BRINP2: variants seen among roughly 807,000 people sequenced by gnomAD.
BRINP2 encodes BMP/retinoic acid-inducible neural-specific protein 2.
In BRINP2, 21 loss-of-function variants were observed where a neutral mutation model predicts 69.2. That is an observed-to-expected ratio of 0.30 (90% CI 0.22 to 0.44). The LOEUF (loss-of-function observed/expected upper bound fraction) is 0.44, where lower values mean the gene tolerates loss of function less well. Ranked by LOEUF, BRINP2 falls within the 20% of genes least tolerant of loss-of-function variation. The pLI, the probability that BRINP2 is intolerant of heterozygous loss-of-function variation, is 1.00. For missense variants in BRINP2, 877 were observed against 986.0 expected, an observed-to-expected ratio of 0.89 and a Z score of 1.48; for synonymous variants, 380 against 394.1, an observed-to-expected ratio of 0.96 and a Z score of 0.42.
chr1:177,281,587 T>A lies in BRINP2; in HGVS notation c.*59T>A. 6.6e-7 allele frequency: 1 copy of A among 1,520,840 alleles called. No homozygotes were observed. The highest frequency in any genetic ancestry group is 2.3e-5 in the East Asian group (1 of 44,352). 94.2% of individuals were successfully genotyped at this position (1,520,840 alleles called of 1,614,324 possible). A position where few individuals can be genotyped will look rare whatever the true frequency, so the allele number is the denominator to read the frequency against. On this transcript the variant is annotated 3_prime_UTR_variant, in exon 8 of 8. Coordinates refer to ENST00000361539, the MANE Select transcript of BRINP2 (RefSeq NM_021165.4). ...GATCCATGAATCTGGGGTACAAAGA[T>A]AATCTAAGCCCTCACCTTAGTGCCA... is the stretch of plus-strand genomic sequence containing the variant.
chr1:177,267,699 G>T (rs988035572), intron 4 of BRINP2, among the ~76,000 whole-genome samples: 21 of 152,202 alleles, frequency 1.4e-4, no homozygotes, highest in African/African-American at 5.1e-4. Flanking sequence ...AGTTGGGCTT[G>T]CATAGTCATA....
rs781394493 is a variant in BRINP2, at chr1:177,276,468, G to A, written c.1012+34G>A. On this transcript the variant is annotated intron_variant, in intron 6 of 7. Transcript: ENST00000361539. ...CCAGAATTCCTCCCTGTCAATGAGA[G>A]GTGGCTGTGAGGTACAGAGCAAGAA... The A allele has an allele frequency of 1.8e-5, 28 of 1,593,792 alleles. No individual in the cohort carries two copies. The South Asian group carries it at 2.8e-4, about 16-fold the overall frequency.
intron 2 of BRINP2, among the ~76,000 whole-genome samples, chr1:177,249,884 C>A (rs1365283044): frequency 6.6e-6 from 1 of 152,162 alleles, no homozygotes; most frequent in African/African-American, 2.4e-5. Context: ...ATAGATGTTT[C>A]TCTATTATTT....
Position 177,276,251 on chromosome 1 carries a change from C to G in BRINP2, c.829C>G (p.Leu277Val). The G allele has an allele frequency of 6.2e-7, 1 of 1,614,198 alleles. No individual in the cohort carries two copies. The highest frequency in any genetic ancestry group is 8.5e-7 in the Non-Finnish European group (1 of 1,180,044). ...YLRERFVAAA[L>V]SYITCSSEGE... ...GCGTGAGCGCTTTGTAGCTGCAGCA[C>G]TCAGCTACATCACATGCAGCTCTGA... Residue 277 changes from leucine to valine, a missense_variant, in exon 6 of 8, where the codon CTC becomes GTC. This residue lies in a region of BRINP2 where 566 missense variants were observed against 625.2 expected (regional missense o/e 0.91). Coordinates refer to ENST00000361539, the MANE Select transcript of BRINP2 (RefSeq NM_021165.4).
At chr1:177,182,539 C>A (rs997257051) in intron 1 of BRINP2, among the ~76,000 whole-genome samples, 12 of 152,170 alleles carry the variant, frequency 7.9e-5, no homozygotes, top group Non-Finnish European at 1.3e-4. Context: ...AAGGCTCAAG[C>A]AGAATTTCCC....
intron 1 of BRINP2, among the ~76,000 whole-genome samples, chr1:177,192,538 A>G (rs140681888): frequency 2.0e-5 from 3 of 152,114 alleles, no homozygotes; most frequent in Non-Finnish European, 2.9e-5. Context: ...CTGTGCATAC[A>G]TGTTGGTTTG....
intron 1 of BRINP2, among the ~76,000 whole-genome samples, chr1:177,223,502 T>C (rs1649604229): frequency 6.6e-6 from 1 of 152,144 alleles, no homozygotes. Flanking sequence ...TAATAACTGA[T>C]TGACTGTTTG....
intron 2 of BRINP2, among the ~76,000 whole-genome samples, chr1:177,254,277 G>C (rs148659264): frequency 4.6e-4 from 70 of 152,036 alleles, no homozygotes; most frequent in African/African-American, 1.6e-3. Flanking sequence ...AAATAAAACT[G>C]CTGGTACTTT....
intron 4 of BRINP2, among the ~76,000 whole-genome samples, chr1:177,262,921 G>C (rs1029119314): frequency 1.3e-5 from 2 of 152,196 alleles, no homozygotes; most frequent in Non-Finnish European, 2.9e-5. Flanking sequence ...AGACCAGTCA[G>C]CATAGTCGTA....
rs1055463752 is a variant in BRINP2, at chr1:177,206,525, C to G, written c.-76-23276C>G. The stretch of plus-strand genomic sequence containing the variant: ...TAGACTTGCTAGGTGAAAGGAGATG[C>G]AGAACTCTGATGTTTTATAGCTAAA... On this transcript the variant is annotated intron_variant, in intron 1 of 7. Transcript: ENST00000361539. Among the ~76,000 whole-genome samples, 30 of 152,248 alleles carry G rather than the reference C, an allele frequency of 2.0e-4. No individual in the cohort carries two copies. In the Middle Eastern group the frequency reaches 0.017, roughly 86 times the overall value.
intron 1 of BRINP2, among the ~76,000 whole-genome samples, chr1:177,225,033 C>T (rs549828562): frequency 2.2e-4 from 33 of 152,162 alleles, no homozygotes; most frequent in East Asian, 3.9e-4. Context: ...CTGAGTGTGT[C>T]GTCTTTTGAC....
intron 1 of BRINP2, among the ~76,000 whole-genome samples, chr1:177,218,038 C>T (rs1157059774): frequency 6.6e-6 from 1 of 152,166 alleles, no homozygotes. Flanking sequence ...TTGCCTTCCT[C>T]CATGGGTGAG....
chr1:177,257,115 C>T, intron 3 of BRINP2, 61 bp from the exon 4 acceptor site: 2 of 1,603,418 alleles, frequency 1.2e-6, no homozygotes, highest in South Asian at 2.2e-5. Context: ...TTTTATGTTC[C>T]TATTGGTAGG....
intron 4 of BRINP2, among the ~76,000 whole-genome samples, chr1:177,272,551 A>T (rs1198222037): frequency 1.3e-5 from 2 of 152,242 alleles, no homozygotes; most frequent in Admixed American, 1.3e-4. Context: ...GCAGAAAGGG[A>T]TGCAAAACTG....
chr1:177,241,616 A>G (rs1290390783), intron 2 of BRINP2, among the ~76,000 whole-genome samples: 1 of 152,134 alleles, frequency 6.6e-6, no homozygotes. Context: ...TTATTTTGAC[A>G]TAAGGTTTTC....
intron 3 of BRINP2, chr1:177,256,315 G>A (rs1004702762): frequency 3.0e-5 from 30 of 985,158 alleles, no homozygotes; most frequent in Non-Finnish European, 3.4e-5. Flanking sequence ...CCTGAGGAGG[G>A]GAAGTTGGGT....
intron 1 of BRINP2, among the ~76,000 whole-genome samples, chr1:177,217,515 GTC>G (rs990103868): frequency 5.9e-5 from 9 of 152,206 alleles, no homozygotes; most frequent in African/African-American, 2.2e-4. Context: ...TGTCCTAAGA[GTC>G]TATTGTTAGA....
At chr1:177,250,519 G>A (rs1049880911) in intron 2 of BRINP2, among the ~76,000 whole-genome samples, 1 of 152,134 alleles carries the variant, frequency 6.6e-6, no homozygotes, top group African/African-American at 2.4e-5. Flanking sequence ...TAGAGAACAG[G>A]TTTCACCATC....
intron 1 of BRINP2, among the ~76,000 whole-genome samples, chr1:177,173,099 C>T (rs532332712): frequency 6.6e-6 from 1 of 152,294 alleles, no homozygotes; most frequent in South Asian, 2.1e-4. Context: ...TGTGTGCTTT[C>T]CCTCCTGACT....
Sources: gnomAD v4.1 joint callset for allele counts (sites outside exome capture counted in the v4.1 genomes callset) on GRCh38, gnomAD v4.1.1 for gene constraint, gnomAD v4.1.1 regional missense constraint, MANE v1.5 for transcripts, NCBI Gene and HGNC (gene_info 2026-07-23, HGNC 2026-07-21) for gene names.